Variants in KCNQ1OT1 observed in about 807,000 individuals in gnomAD.
The protein encoded by KCNQ1OT1 is KCNQ1 opposite strand/antisense transcript 1, also known as KCNQ1 antisense RNA 2 (non-protein coding).
exon 1 of KCNQ1OT1, chr11:2,633,464 G>T (rs752533846): frequency 8.0e-5 from 32 of 398,368 alleles, no homozygotes; most frequent in Non-Finnish European, 1.4e-4. Context: ...ATCCTGAAGG[G>T]TTTCCCTTCT....
chr11:2,619,018 G>C (rs937280842), exon 1 of KCNQ1OT1: 33 of 398,106 alleles, frequency 8.3e-5, no homozygotes, highest in Non-Finnish European at 1.3e-4. Context: ...GTTTTATATT[G>C]ATTTTATATC....
exon 1 of KCNQ1OT1, chr11:2,693,636 G>C (rs1850625510): frequency 2.5e-6 from 1 of 398,510 alleles, no homozygotes; most frequent in African/African-American, 2.1e-5. Flanking sequence ...CCGTAGGAAA[G>C]GCTCTGGGAG....
Position 2,660,188 on chromosome 11 carries a change from AT to A in KCNQ1OT1, n.39806del, listed in dbSNP as rs374329936. ...TTTATGGTTTTATGTTTTATTTTAG[AT>A]TTTTTTTCAGTAAGTTTGTATGTAG... On this transcript the variant is annotated non_coding_transcript_exon_variant, in exon 1 of 1. Coordinates refer to ENST00000597346, the Ensembl canonical transcript of KCNQ1OT1. 9.4e-3 allele frequency: 3,724 copies of A among 397,598 alleles called. 128 individuals carry two copies. The highest frequency in any genetic ancestry group is 0.069 in the African/African-American group (3,348 of 48,452). The allele number at this position is 397,598 out of a possible 1,614,324, so 24.6% of individuals were successfully genotyped here.
exon 1 of KCNQ1OT1, chr11:2,610,614 A>G: frequency 2.5e-6 from 1 of 398,032 alleles, no homozygotes; most frequent in South Asian, 1.3e-4. Flanking sequence ...TTCTTACAAA[A>G]CTGGTCTGCT....
chr11:2,685,030 G>A lies in KCNQ1OT1; in HGVS notation n.14965C>T, dbSNP rs1590031008. The A allele has an allele frequency of 7.5e-6, 3 of 398,628 alleles. No homozygotes were observed. The East Asian group carries it at 1.1e-4, about 14-fold the overall frequency. 24.7% of individuals were successfully genotyped at this position (398,628 alleles called of 1,614,324 possible). The stretch of plus-strand genomic sequence containing the variant: ...TCTTCTTGCCATCCCTGTCTCATGG[G>A]TGAGCACATTTCCTGGATTTAAAAT... On this transcript the variant is annotated non_coding_transcript_exon_variant, in exon 1 of 1. Coordinates refer to ENST00000597346, the Ensembl canonical transcript of KCNQ1OT1.
chr11:2,691,629 G>A lies in KCNQ1OT1; in HGVS notation n.8366C>T, dbSNP rs1375551114. 1 of 398,464 alleles carries A rather than the reference G, an allele frequency of 2.5e-6. No homozygotes were observed. Among genetic ancestry groups the A allele is most frequent in the Non-Finnish European group, 4.4e-6 (1 of 226,076 alleles). 24.7% of individuals were successfully genotyped at this position (398,464 alleles called of 1,614,324 possible). A position where few individuals can be genotyped will look rare whatever the true frequency, so the allele number is the denominator to read the frequency against. ...GCTTGTTCCCTGCACGTACTGTGGG[G>A]AGGTCCTCTTTACCGCCACAGTTCC... is the stretch of plus-strand genomic sequence containing the variant. On this transcript the variant is annotated non_coding_transcript_exon_variant, in exon 1 of 1. Transcript: ENST00000597346. The surrounding 1 kb of genome is among the most constrained non-coding windows in gnomAD (Gnocchi z 6.4).
At position 2,678,022 on chromosome 11, in the gene KCNQ1OT1, G is replaced by GT. The variant is rs5789261; in HGVS notation, n.21972dup. The GT allele has an allele frequency of 0.62, 246,241 of 398,236 alleles. 81,046 individuals are homozygous for GT. Among genetic ancestry groups the GT allele is most frequent in the East Asian group, 1 (27,916 of 28,022 alleles). 24.7% of individuals were successfully genotyped at this position (398,236 alleles called of 1,614,324 possible). A position where few individuals can be genotyped will look rare whatever the true frequency, so the allele number is the denominator to read the frequency against. On this transcript the variant is annotated non_coding_transcript_exon_variant, in exon 1 of 1. Transcript: ENST00000597346. This position sits in a 1 kb window ranked among gnomAD's most constrained non-coding sequence, Gnocchi z 4.9. ...TCTTTCCAAATGCTTAAAATCATTT[G>GT]TTTTTCTTTCTTGTGAACTATTTCT...
In KCNQ1OT1 at chr11:2,664,742, G is replaced by A; in HGVS notation, n.35253C>T. On this transcript the variant is annotated non_coding_transcript_exon_variant, in exon 1 of 1. Coordinates refer to ENST00000597346, the Ensembl canonical transcript of KCNQ1OT1. The surrounding 1 kb of genome is among the most constrained non-coding windows in gnomAD (Gnocchi z 5.1). ...CGCCCTGGTGTGTGTGAGGGACAGG[G>A]ATGTGTGCTGGGGTCTCACAGGGGG... 1 of 398,780 alleles carries A rather than the reference G, an allele frequency of 2.5e-6. No individual in the cohort carries two copies. Among genetic ancestry groups the A allele is most frequent in the Non-Finnish European group, 4.4e-6 (1 of 226,178 alleles). 24.7% of individuals were successfully genotyped at this position (398,780 alleles called of 1,614,324 possible).
rs961667826 is a variant in KCNQ1OT1 at position 2,617,235 on chromosome 11, C to A, written n.82760G>T. 1 of 398,252 alleles carries A rather than the reference C, an allele frequency of 2.5e-6. No homozygotes were observed. Among genetic ancestry groups the A allele is most frequent in the African/African-American group, 2.1e-5 (1 of 48,592 alleles). 24.7% of individuals were successfully genotyped at this position (398,252 alleles called of 1,614,324 possible). ...CCTACATCTTTCCATTTTCTTCCCC[C>A]ACACCTTGCCCATGGTAACCACTAG... On this transcript the variant is annotated non_coding_transcript_exon_variant, in exon 1 of 1. Coordinates refer to ENST00000597346, the Ensembl canonical transcript of KCNQ1OT1. This position sits in a 1 kb window ranked among gnomAD's most constrained non-coding sequence, Gnocchi z 4.6.
chr11:2,685,682 G>A, exon 1 of KCNQ1OT1: 1 of 398,648 alleles, frequency 2.5e-6, no homozygotes, highest in East Asian at 3.6e-5. Flanking sequence ...GGTCCCATGT[G>A]GACTTCAGGC....
In KCNQ1OT1 at chr11:2,685,302, A is replaced by G. The variant is rs1381733487; in HGVS notation, n.14693T>C. ...TTGCCCACAAACATGCACACAGAGT[A>G]TCGATCTGTCTGATGTTTCAGGGAC... On this transcript the variant is annotated non_coding_transcript_exon_variant, in exon 1 of 1. Transcript: ENST00000597346. 2.8e-5 allele frequency: 11 copies of G among 398,558 alleles called. No individual in the cohort carries two copies. In the Admixed American group the frequency reaches 4.4e-4, roughly 16 times the overall value. The allele number at this position is 398,558 out of a possible 1,614,324, so 24.7% of individuals were successfully genotyped here. A position where few individuals can be genotyped will look rare whatever the true frequency, so the allele number is the denominator to read the frequency against.
At chr11:2,696,394 T>C (rs1363986241) in exon 1 of KCNQ1OT1, 1 of 398,574 alleles carries the variant, frequency 2.5e-6, no homozygotes, top group Non-Finnish European at 4.4e-6. Context: ...CTTTATCACA[T>C]GTCCCCTTCC....
Position 2,677,024 on chromosome 11 carries a change from C to T in KCNQ1OT1, n.22971G>A. 1 of 398,632 alleles carries T rather than the reference C, an allele frequency of 2.5e-6. No homozygotes were observed. The highest frequency in any genetic ancestry group is 4.4e-6 in the Non-Finnish European group (1 of 226,058). The allele number at this position is 398,632 out of a possible 1,614,324, so 24.7% of individuals were successfully genotyped here. On this transcript the variant is annotated non_coding_transcript_exon_variant, in exon 1 of 1. Coordinates refer to ENST00000597346, the Ensembl canonical transcript of KCNQ1OT1. This position sits in a 1 kb window ranked among gnomAD's most constrained non-coding sequence, Gnocchi z 4.5. ...TGTGCCATGATTTATGGAACAGATC[C>T]TCTGTTGATGGATATGTAGGGCAGC...
chr11:2,618,504 G>C, exon 1 of KCNQ1OT1: 1 of 398,476 alleles, frequency 2.5e-6, no homozygotes, highest in Non-Finnish European at 4.4e-6. Context: ...AAAATTGGTT[G>C]ATCATATATC....
At chr11:2,675,186 CT>C in exon 1 of KCNQ1OT1, 1 of 398,616 alleles carries the variant, frequency 2.5e-6, no homozygotes, top group Non-Finnish European at 4.4e-6. Context: ...ATTAGGGCCC[CT>C]CTAGGTCAAT....
At chr11:2,622,155 A>G (rs1465181916) in exon 1 of KCNQ1OT1, 1 of 398,328 alleles carries the variant, frequency 2.5e-6, no homozygotes, top group Non-Finnish European at 4.4e-6. Context: ...TACGTTATTG[A>G]AGTCCCTAAG....
exon 1 of KCNQ1OT1, chr11:2,648,685 T>A (rs1425899419): frequency 2.5e-6 from 1 of 398,422 alleles, no homozygotes; most frequent in Non-Finnish European, 4.4e-6. Flanking sequence ...CCGTTTTGTG[T>A]CCTAACATAT....
exon 1 of KCNQ1OT1, chr11:2,655,705 C>T (rs926813672): frequency 1.3e-4 from 53 of 396,058 alleles, no homozygotes; most frequent in Non-Finnish European, 2.1e-4. Flanking sequence ...CCCCTCCATG[C>T]TCTCCTAGAT....
chr11:2,649,835 C>G (rs756770551), exon 1 of KCNQ1OT1: 11 of 398,320 alleles, frequency 2.8e-5, no homozygotes, highest in Non-Finnish European at 4.0e-5. Flanking sequence ...TAGTCTCTTT[C>G]TCTCCCAAAC....
Sources: allele counts gnomAD v4.1 joint callset, GRCh38; gene constraint gnomAD v4.1.1; non-coding constraint Gnocchi (gnomAD v3.1); transcripts MANE v1.5; gene names NCBI Gene and HGNC (gene_info 2026-07-23, HGNC 2026-07-21).